Variants in CTNNA2 observed in about 807,000 individuals in gnomAD.
The protein encoded by CTNNA2 is catenin alpha 2.
Under a neutral mutation model 101.0 loss-of-function variants are expected in CTNNA2, and 42 were observed. The observed-to-expected ratio is 0.42, with a 90% CI of 0.32 to 0.54. The LOEUF (loss-of-function observed/expected upper bound fraction) is 0.54. CTNNA2 is among the 20% of genes least tolerant of loss of function. CTNNA2 has a pLI of 0.14. For synonymous variants in CTNNA2, 450 were observed against 456.4 expected, an observed-to-expected ratio of 0.99 and a Z score of 0.18; for missense variants, 871 against 1,223.1, an observed-to-expected ratio of 0.71 and a Z score of 4.29.
intron 7 of CTNNA2, among the ~76,000 whole-genome samples, chr2:80,323,317 G>A (rs1678905224): frequency 6.6e-6 from 1 of 152,174 alleles, no homozygotes; most frequent in Admixed American, 6.5e-5. Flanking sequence ...TCCCTAGGTG[G>A]TTCTGATATG....
At chr2:79,464,029 C>A (rs1670906246) in intron 4 of CTNNA2, among the ~76,000 whole-genome samples, 1 of 151,216 alleles carries the variant, frequency 6.6e-6, no homozygotes, top group South Asian at 2.1e-4. Context: ...ACATTGTGCA[C>A]AATATGCAGG....
chr2:80,095,302 C>T (rs1361934079), intron 7 of CTNNA2, among the ~76,000 whole-genome samples: 8 of 152,060 alleles, frequency 5.3e-5, no homozygotes, highest in East Asian at 1.9e-4. Flanking sequence ...TGCTGGATTA[C>T]GTTTATTGAT....
intron 7 of CTNNA2, among the ~76,000 whole-genome samples, chr2:80,256,562 G>C (rs544527389): frequency 6.6e-6 from 1 of 152,124 alleles, no homozygotes; most frequent in East Asian, 1.9e-4. Flanking sequence ...CCTACTTCTG[G>C]ATAAAAATAT....
chr2:79,693,303 A>AT (rs5832399), intron 2 of CTNNA2, among the ~76,000 whole-genome samples: 44,668 of 151,760 alleles, frequency 0.29, 7,134 homozygotes, highest in Admixed American at 0.36. Context: ...TTTCATTAAG[A>AT]TTTTTTATAA....
intron 8 of CTNNA2, among the ~76,000 whole-genome samples, chr2:80,405,395 T>C (rs574272013): frequency 2.0e-5 from 3 of 152,286 alleles, no homozygotes; most frequent in African/African-American, 7.2e-5. Flanking sequence ...TTAATGACTG[T>C]GGTTGTTAAA....
intron 4 of CTNNA2, among the ~76,000 whole-genome samples, chr2:79,423,966 T>C (rs2104504304): frequency 6.6e-6 from 1 of 152,118 alleles, no homozygotes; most frequent in South Asian, 2.1e-4. Flanking sequence ...CCACAAAAAA[T>C]CAAGACAAAT....
intron 7 of CTNNA2, among the ~76,000 whole-genome samples, chr2:80,273,850 G>A (rs1000587549): frequency 6.6e-6 from 1 of 151,950 alleles, no homozygotes; most frequent in African/African-American, 2.4e-5. Flanking sequence ...TGCCTGGCCT[G>A]TGTCTTTGTA....
chr2:79,870,253 G>A (rs1465371356), intron 5 of CTNNA2, among the ~76,000 whole-genome samples: 1 of 152,136 alleles, frequency 6.6e-6, no homozygotes, highest in Non-Finnish European at 1.5e-5. Context: ...ATATTAAACT[G>A]TGGGGTAGTG....
intron 7 of CTNNA2, among the ~76,000 whole-genome samples, chr2:80,179,162 G>A (rs1705595588): frequency 6.6e-6 from 1 of 152,218 alleles, no homozygotes; most frequent in Admixed American, 6.5e-5. Context: ...CGAATCAGTG[G>A]CTGCATACCA....
intron 7 of CTNNA2, among the ~76,000 whole-genome samples, chr2:79,993,378 A>T (rs1692317631): frequency 6.6e-6 from 1 of 152,158 alleles, no homozygotes; most frequent in South Asian, 2.1e-4. Context: ...TGGGCTTCAA[A>T]GTGAGCCACA....
At chr2:79,693,747 G>A (rs1249438179) in intron 2 of CTNNA2, among the ~76,000 whole-genome samples, 1 of 151,876 alleles carries the variant, frequency 6.6e-6, no homozygotes, top group Non-Finnish European at 1.5e-5. Context: ...AGGGTATGTG[G>A]ATGTTCTCAC....
intron 7 of CTNNA2, among the ~76,000 whole-genome samples, chr2:80,072,656 G>A (rs545782004): frequency 6.6e-6 from 1 of 152,226 alleles, no homozygotes; most frequent in Admixed American, 6.5e-5. Flanking sequence ...ACCATTCAAG[G>A]TGCAGTGCTG....
intron 7 of CTNNA2, among the ~76,000 whole-genome samples, chr2:80,271,041 A>G (rs1017433046): frequency 5.9e-5 from 9 of 152,164 alleles, no homozygotes; most frequent in African/African-American, 1.4e-4. Flanking sequence ...TTGACCTGCA[A>G]TTTCTCAATC....
At chr2:80,100,965 T>C (rs1413611439) in intron 7 of CTNNA2, among the ~76,000 whole-genome samples, 2 of 152,220 alleles carry the variant, frequency 1.3e-5, no homozygotes, top group Non-Finnish European at 2.9e-5. Context: ...CATAAATACC[T>C]GCTATAAAAA....
chr2:79,799,721 TCA>T (rs1003856810), intron 3 of CTNNA2, among the ~76,000 whole-genome samples: 9 of 152,220 alleles, frequency 5.9e-5, no homozygotes, highest in African/African-American at 1.7e-4. Context: ...AGCTTCAAAT[TCA>T]CAGTCTTAAT....
chr2:80,607,751 C>A (rs1698151330), intron 16 of CTNNA2, among the ~76,000 whole-genome samples: 1 of 151,892 alleles, frequency 6.6e-6, no homozygotes, highest in African/African-American at 2.4e-5. Flanking sequence ...CTTCCCCCAA[C>A]TAACTGGATT....
rs1694850629 is a variant in CTNNA2, at chr2:80,574,224, T to C, written c.1803T>C (p.Pro601=). ...VAIEALSANV[P]QPFEENEFID... is the part of the protein sequence containing the mutation. ...TTGAAGCCCTGAGTGCCAACGTTCCTCAACCGTTTGAGGAGAATGAGTTCA... is the reference window on the plus strand; with the variant it reads ...TTGAAGCCCTGAGTGCCAACGTTCCCCAACCGTTTGAGGAGAATGAGTTCA... The change falls in exon 13 of 19, where the codon CCT becomes CCC. Residue 601 remains proline (P), a synonymous_variant. Transcript: ENST00000402739. 6.2e-7 allele frequency: 1 copy of C among 1,613,792 alleles called. No homozygotes were observed. Among genetic ancestry groups the C allele is most frequent in the Non-Finnish European group, 8.5e-7 (1 of 1,179,786 alleles).
chr2:80,316,204 A>G (rs1444199393), intron 7 of CTNNA2, among the ~76,000 whole-genome samples: 2 of 152,168 alleles, frequency 1.3e-5, no homozygotes, highest in Non-Finnish European at 2.9e-5. Context: ...AGCTAGAGAG[A>G]GAGGATATAA....
intron 2 of CTNNA2, among the ~76,000 whole-genome samples, chr2:79,299,521 C>T (rs957310836): frequency 6.6e-6 from 1 of 152,162 alleles, no homozygotes; most frequent in African/African-American, 2.4e-5. Context: ...TCTTTCAAAG[C>T]CCTCTGCCAA....
Sources: allele counts gnomAD v4.1 joint callset (sites outside exome capture counted in the v4.1 genomes callset), GRCh38; gene constraint gnomAD v4.1.1; transcripts MANE v1.5; gene names NCBI Gene and HGNC (gene_info 2026-07-23, HGNC 2026-07-21).